The following TSPAN15 variants were observed in gnomAD, a reference collection of about 807,000 sequenced individuals.
TSPAN15 encodes the protein tetraspanin 15, also known as tetraspanin-15.
A neutral mutation model predicts 34.5 loss-of-function variants in TSPAN15; 20 were observed. That is an observed-to-expected ratio of 0.58 (90% CI 0.41 to 0.84). The LOEUF is 0.84. TSPAN15 is among the 40% of genes least tolerant of loss of function. TSPAN15 has a pLI of 0.00. For missense variants in TSPAN15, 313 were observed against 386.1 expected (o/e 0.81, Z 1.59); for synonymous variants, 155 against 153.9 (o/e 1.01, Z -0.05).
At chr10:69,505,668 T>C (rs1842310093) in intron 6 of TSPAN15, among the ~76,000 whole-genome samples, 2 of 151,948 alleles carry the variant, frequency 1.3e-5, no homozygotes, top group Non-Finnish European at 2.9e-5. Flanking sequence ...TGAGCCTCCA[T>C]AGTAGCTGGG....
chr10:69,545,581 A>G, the TSPAN15 span, among the ~76,000 whole-genome samples: 2 of 152,252 alleles, frequency 1.3e-5, no homozygotes, highest in Admixed American at 6.5e-5. Flanking sequence ...AGCAGGCACC[A>G]GGATTTCCTA....
At chr10:69,500,085 G>C (rs187976236) in intron 5 of TSPAN15, among the ~76,000 whole-genome samples, 239 of 152,260 alleles carry the variant, frequency 1.6e-3, no homozygotes, top group African/African-American at 5.2e-3. Context: ...CTAGATGCAG[G>C]GATAGAGTTA....
intron 1 of TSPAN15, among the ~76,000 whole-genome samples, chr10:69,457,279 T>C (rs1447258769): frequency 6.6e-6 from 1 of 152,158 alleles, no homozygotes; most frequent in Non-Finnish European, 1.5e-5. Flanking sequence ...TGTTGCATGA[T>C]GGTGATTGAG....
At chr10:69,468,016 G>A (rs184910637) in intron 1 of TSPAN15, among the ~76,000 whole-genome samples, 4 of 152,228 alleles carry the variant, frequency 2.6e-5, no homozygotes, top group East Asian at 3.9e-4. Flanking sequence ...AAGACCTACC[G>A]GGGCCAGCTG....
At chr10:69,531,460 A>G in the TSPAN15 span, among the ~76,000 whole-genome samples, 3 of 152,078 alleles carry the variant, frequency 2.0e-5, no homozygotes, top group African/African-American at 7.2e-5. Context: ...CTATCTGTGC[A>G]TGGTGGTGGG....
chr10:69,464,492 T>G (rs1418154273), intron 1 of TSPAN15, among the ~76,000 whole-genome samples: 3 of 152,210 alleles, frequency 2.0e-5, no homozygotes, highest in Non-Finnish European at 4.4e-5. Context: ...GGGCTTCCCT[T>G]CTGCAAGGAA....
intron 5 of TSPAN15, among the ~76,000 whole-genome samples, chr10:69,499,615 T>C (rs1440804024): frequency 9.9e-5 from 15 of 152,182 alleles, no homozygotes; most frequent in Non-Finnish European, 1.8e-4. Flanking sequence ...TCTGGGGGTG[T>C]AGCAAACAAA....
In TSPAN15 at chr10:69,504,561, T is replaced by C; in HGVS notation, c.618+76T>C. 4.0e-6 allele frequency: 6 copies of C among 1,489,928 alleles called. No homozygotes were observed. In the South Asian group the frequency reaches 5.8e-5, roughly 14 times the overall value. The allele number at this position is 1,489,928 out of a possible 1,614,324, so 92.3% of individuals were successfully genotyped here. The stretch of plus-strand genomic sequence containing the variant: ...CCCTGGGGTGATCGGAGGGGTTTAT[T>C]GAGGTCGGGGTCCTGGCCACTGAGA... On this transcript the variant is annotated intron_variant, in intron 6 of 7. Transcript: ENST00000373290.
the TSPAN15 span, among the ~76,000 whole-genome samples, chr10:69,514,434 ATTTC>A: frequency 6.6e-6 from 1 of 152,264 alleles, no homozygotes; most frequent in South Asian, 2.1e-4. Context: ...AATTGGTGGT[ATTTC>A]TTCTTTAAAA....
At chr10:69,455,608 C>CTTTCTTTTTTTCTTTCTT (rs1428393903) in intron 1 of TSPAN15, among the ~76,000 whole-genome samples, 1 of 100,340 alleles carries the variant, frequency 1.0e-5, no homozygotes, top group African/African-American at 4.0e-5. Context: ...TTCTTTCTTT[C>CTTTCTTTTTTTCTTTCTT]TCTCTCTCTC....
chr10:69,507,022 A>C lies in TSPAN15; in HGVS notation c.*44A>C, dbSNP rs548927865. 1 of 1,589,634 alleles carries C rather than the reference A, an allele frequency of 6.3e-7. No individual in the cohort carries two copies. The highest frequency in any genetic ancestry group is 1.8e-5 in the Admixed American group (1 of 55,760). On this transcript the variant is annotated 3_prime_UTR_variant, in exon 8 of 8. Transcript: ENST00000373290. ...AGCTCCAACAAGGACCGTCTGGGATAGCACCTCTCAGTCAACATCGTGGGG... is the reference window on the plus strand; with the variant it reads ...AGCTCCAACAAGGACCGTCTGGGATCGCACCTCTCAGTCAACATCGTGGGG...
chr10:69,524,380 C>T, the TSPAN15 span, among the ~76,000 whole-genome samples: 182 of 147,724 alleles, frequency 1.2e-3, 12 homozygotes, highest in African/African-American at 4.0e-3. Flanking sequence ...GAATGAGAAT[C>T]GCTTGAACCC....
chr10:69,539,464 G>GAAGAAT, the TSPAN15 span, among the ~76,000 whole-genome samples: 40 of 51,350 alleles, frequency 7.8e-4, no homozygotes, highest in Non-Finnish European at 1.2e-3. Flanking sequence ...GAAGAAGAAG[G>GAAGAAT]AGAAGGAGAA....
the TSPAN15 span, among the ~76,000 whole-genome samples, chr10:69,532,874 T>A: frequency 2.0e-5 from 3 of 152,088 alleles, no homozygotes; most frequent in African/African-American, 7.2e-5. Flanking sequence ...CCTAAGAACA[T>A]GAATAAATTC....
chr10:69,454,193 A>G (rs1268183302), intron 1 of TSPAN15, among the ~76,000 whole-genome samples: 2 of 152,120 alleles, frequency 1.3e-5, no homozygotes, highest in Non-Finnish European at 1.5e-5. Flanking sequence ...ACAGCCTTGT[A>G]CCTTCTGTAA....
chr10:69,490,677 T>G (rs1045098498), intron 3 of TSPAN15, among the ~76,000 whole-genome samples: 2 of 152,204 alleles, frequency 1.3e-5, no homozygotes, highest in Non-Finnish European at 2.9e-5. Context: ...GCCATGATCG[T>G]GCTACTGCAC....
chr10:69,497,212 C>T (rs2133144643), intron 4 of TSPAN15, among the ~76,000 whole-genome samples: 1 of 152,306 alleles, frequency 6.6e-6, no homozygotes, highest in South Asian at 2.1e-4. Context: ...GGTCCCAAAA[C>T]CTGGTGGCTT....
chr10:69,475,695 A>G (rs917319241), intron 1 of TSPAN15, among the ~76,000 whole-genome samples: 1 of 152,188 alleles, frequency 6.6e-6, no homozygotes, highest in African/African-American at 2.4e-5. Context: ...TCTTAAATCA[A>G]GTATCTGCAA....
At chr10:69,467,668 ACACAC>A (rs1564601464) in intron 1 of TSPAN15, among the ~76,000 whole-genome samples, 12,647 of 150,666 alleles carry the variant, frequency 0.084, 700 homozygotes, top group Non-Finnish European at 0.12. Context: ...ACACACACAC[ACACAC>A]ACCTCTTCTT....
Sources: allele counts gnomAD v4.1 joint callset (sites outside exome capture counted in the v4.1 genomes callset), GRCh38; gene constraint gnomAD v4.1.1; transcripts MANE v1.5; gene names NCBI Gene and HGNC (gene_info 2026-07-23, HGNC 2026-07-21).